Variants in ITGAD observed in about 807,000 individuals in gnomAD.
ITGAD encodes integrin subunit alpha D.
In ITGAD, 105 loss-of-function variants were observed where a neutral mutation model predicts 139.0. That is an observed-to-expected ratio of 0.76 (90% CI 0.65 to 0.89). The LOEUF is 0.89. ITGAD is among the 40% of genes least tolerant of loss of function. The pLI is 0.00. For synonymous variants in ITGAD, 569 were observed against 598.3 expected, an observed-to-expected ratio of 0.95 and a Z score of 0.71; for missense variants, 1,384 against 1,487.3, an observed-to-expected ratio of 0.93 and a Z score of 1.14.
rs1188664441 is a variant in ITGAD at position 31,426,182 on chromosome 16, A to G, written c.*54A>G. 24 of 1,231,440 alleles carry G rather than the reference A, an allele frequency of 1.9e-5. No individual in the cohort carries two copies. Among genetic ancestry groups the G allele is most frequent in the Non-Finnish European group, 2.7e-5 (23 of 845,822 alleles). 76.3% of individuals were successfully genotyped at this position (1,231,440 alleles called of 1,614,324 possible). On this transcript the variant is annotated 3_prime_UTR_variant, in exon 30 of 30. Coordinates refer to ENST00000389202, the MANE Select transcript of ITGAD (RefSeq NM_005353.3). ...CTGTGGGCTGGACTTGCTTGCAACC[A>G]TAAATCAACTTACATGGAAACAACT...
chr16:31,407,548 A>C lies in ITGAD; in HGVS notation c.738A>C (p.Arg246=). 6.2e-7 allele frequency: 1 copy of C among 1,604,898 alleles called. No homozygotes were observed. Among genetic ancestry groups the C allele is most frequent in the Non-Finnish European group, 8.5e-7 (1 of 1,174,836 alleles). ...TQLFHHKNGA[R]KSAKKILIVI... ...TATTTCATCATAAGAATGGGGCCCGAAAAAGTGCCAAGAAGATCCTCATTG... is the reference window on the plus strand; with the variant it reads ...TATTTCATCATAAGAATGGGGCCCGCAAAAGTGCCAAGAAGATCCTCATTG... Residue 246 remains arginine, a synonymous_variant, in exon 8 of 30, where the codon CGA becomes CGC. Coordinates refer to ENST00000389202, the MANE Select transcript of ITGAD (RefSeq NM_005353.3).
At chr16:31,410,900 A>T in intron 12 of ITGAD, 22 bp downstream of exon 12, 3 of 920,336 alleles carry the variant, frequency 3.3e-6, no homozygotes, top group Non-Finnish European at 4.6e-6. Flanking sequence ...CAGGAGCCAG[A>T]GGGGAGGATG....
At chr16:31,416,669 G>C (rs767672626) in intron 20 of ITGAD, 23 bp downstream of exon 20, 45 of 1,588,898 alleles carry the variant, frequency 2.8e-5, no homozygotes, top group Middle Eastern at 1.7e-4. Context: ...GTAGGCTCTA[G>C]TGGGAGGGGG....
At chr16:31,409,911 CAAAA>C (rs11447533) in intron 10 of ITGAD, among the ~76,000 whole-genome samples, 1 of 89,786 alleles carries the variant, frequency 1.1e-5, no homozygotes, top group Non-Finnish European at 2.1e-5. Flanking sequence ...CAGCCTGTCT[CAAAA>C]AAAAAAAAAA....
intron 7 of ITGAD, among the ~76,000 whole-genome samples, chr16:31,406,409 T>C (rs900134206): frequency 1.3e-5 from 2 of 152,212 alleles, no homozygotes; most frequent in Non-Finnish European, 2.9e-5. Context: ...ACAGCTGTTA[T>C]CTAATTAGTA....
At chr16:31,419,199 A>G (rs551633211) in intron 23 of ITGAD, among the ~76,000 whole-genome samples, 1 of 150,720 alleles carries the variant, frequency 6.6e-6, no homozygotes, top group Non-Finnish European at 1.5e-5. Context: ...TCTCAAACAA[A>G]AAAAAAAAAA....
chr16:31,397,718 T>A, intron 4 of ITGAD, 52 bp downstream of exon 4: 1 of 1,514,394 alleles, frequency 6.6e-7, no homozygotes, highest in South Asian at 1.2e-5. Flanking sequence ...GGGGGTGTTG[T>A]TGGGGAGGAG....
At chr16:31,397,274 T>C (rs2081287465) in intron 2 of ITGAD, 85 bp from the exon 3 acceptor site, 1 of 862,008 alleles carries the variant, frequency 1.2e-6, no homozygotes, top group Non-Finnish European at 1.9e-6. Context: ...CGCTTCCCCA[T>C]GGAGGGACAC....
chr16:31,411,554 C>T, intron 14 of ITGAD, 37 bp downstream of exon 14: 3 of 1,601,056 alleles, frequency 1.9e-6, no homozygotes, highest in Non-Finnish European at 1.7e-6. Context: ...GTCCCAGCTC[C>T]TTCCCATGTC....
rs1204663146 is a variant in ITGAD at position 31,403,938 on chromosome 16, G to A, written c.704+293G>A. 2 of 417,970 alleles carry A rather than the reference G, an allele frequency of 4.8e-6. No homozygotes were observed. Among genetic ancestry groups the A allele is most frequent in the African/African-American group, 2.0e-5 (1 of 49,848 alleles). 25.9% of individuals were successfully genotyped at this position (417,970 alleles called of 1,614,324 possible). A position where few individuals can be genotyped will look rare whatever the true frequency, so the allele number is the denominator to read the frequency against. On this transcript the variant is annotated intron_variant, in intron 7 of 29. Transcript: ENST00000389202. This position sits in a 1 kb window ranked among gnomAD's most constrained non-coding sequence, Gnocchi z 4.4. The stretch of plus-strand genomic sequence containing the variant: ...CACAGCAGCCAGAGGCCCGGGCTTT[G>A]GCTCAGACACATCAGGCTCCCATCC...
At chr16:31,415,239 G>C (rs2081854695) in intron 18 of ITGAD, among the ~76,000 whole-genome samples, 1 of 151,960 alleles carries the variant, frequency 6.6e-6, no homozygotes, top group South Asian at 2.1e-4. Flanking sequence ...ACCTACACCA[G>C]AGTTGACACG....
intron 24 of ITGAD, 60 bp from the exon 25 acceptor site, chr16:31,423,292 G>T: frequency 6.3e-7 from 1 of 1,582,632 alleles, no homozygotes; most frequent in Non-Finnish European, 8.7e-7. Context: ...GGGCCAGGAG[G>T]GAAGTAGGAT....
rs779680943 is a variant in ITGAD at position 31,411,091 on chromosome 16, G to A, written c.1372G>A (p.Gly458Arg). The change falls in exon 13 of 30, where the codon GGG (glycine) becomes AGG (arginine). Residue 458 changes from glycine to arginine, a missense_variant. Gly to Arg is a moderately radical substitution (Grantham distance 125). Coordinates refer to ENST00000389202, the MANE Select transcript of ITGAD (RefSeq NM_005353.3). ...VTGTQIGSYFGASLCSVDVDS... is the reference protein window; with the variant it reads ...VTGTQIGSYFRASLCSVDVDS... ...TGCCCTCCAGATCGGCTCCTACTTC[G>A]GGGCCTCCCTCTGCTCTGTGGATGT... 12 of 1,612,152 alleles carry A rather than the reference G, an allele frequency of 7.4e-6. No homozygotes were observed. Among genetic ancestry groups the A allele is most frequent in the South Asian group, 6.6e-5 (6 of 91,016 alleles).
chr16:31,409,347 AC>A (rs778034477), intron 10 of ITGAD, among the ~76,000 whole-genome samples: 3 of 132,984 alleles, frequency 2.3e-5, no homozygotes, highest in Non-Finnish European at 4.9e-5. Flanking sequence ...GCAAAAAAAA[AC>A]AAAAACAAAC....
At chr16:31,414,809 T>C in intron 17 of ITGAD, 51 bp from the exon 18 acceptor site, 1 of 1,600,112 alleles carries the variant, frequency 6.2e-7, no homozygotes, top group Non-Finnish European at 8.5e-7. Flanking sequence ...GGAGGACTTG[T>C]GGTGGAGCGT....
intron 2 of ITGAD, among the ~76,000 whole-genome samples, chr16:31,395,460 C>T (rs867175487): frequency 3.3e-5 from 5 of 152,282 alleles, no homozygotes; most frequent in Middle Eastern, 3.4e-3. Context: ...GAGCAATGAC[C>T]GCTGCTACCT....
In ITGAD at chr16:31,412,819, C is replaced by T; in HGVS notation, c.1708-19C>T. 6.2e-7 allele frequency: 1 copy of T among 1,613,608 alleles called. No homozygotes were observed. Among genetic ancestry groups the T allele is most frequent in the Non-Finnish European group, 8.5e-7 (1 of 1,179,988 alleles). ...TCCCCCATCTTCCAGCCTGATTCAC[C>T]CTTTTCTCTTCTGGCCAGCGGATTG... On this transcript the variant is annotated intron_variant, in intron 14 of 29. Coordinates refer to ENST00000389202, the MANE Select transcript of ITGAD (RefSeq NM_005353.3).
rs375292342 is a variant in ITGAD at position 31,418,543 on chromosome 16, C to A, written c.2759C>A (p.Ala920Glu). 6.2e-7 allele frequency: 1 copy of A among 1,614,000 alleles called. No individual in the cohort carries two copies. The highest frequency in any genetic ancestry group is 1.1e-5 in the South Asian group (1 of 91,080). ...CAGCTGGAGCTCCCGGTGAAGTATG[C>A]AGTCTACACCATGATCAGCAGGTGC... The part of the protein sequence containing the change: ...TFQLELPVKY[A>E]VYTMISRQEE... Residue 920 changes from alanine (A) to glutamate (E), a missense_variant, in exon 23 of 30, where the codon GCA (alanine) becomes GAA (glutamate). By Grantham distance (107) the Ala-to-Glu change is moderately radical. Transcript: ENST00000389202.
In ITGAD at chr16:31,403,316, AC is replaced by A; in HGVS notation, c.559-183del. 1.5e-6 allele frequency: 1 copy of A among 648,584 alleles called. No individual in the cohort carries two copies. Among genetic ancestry groups the A allele is most frequent in the African/African-American group, 1.8e-5 (1 of 54,660 alleles). The allele number at this position is 648,584 out of a possible 1,614,324, so 40.2% of individuals were successfully genotyped here. On this transcript the variant is annotated intron_variant, in intron 6 of 29. Transcript: ENST00000389202. This position sits in a 1 kb window ranked among gnomAD's most constrained non-coding sequence, Gnocchi z 4.4. ...TAGTGAGACCTTGTCTCTACCAAAA[AC>A]AAAACAAAACAAAAAACAAAGCCAG...
Sources: gnomAD v4.1 joint callset for allele counts (sites outside exome capture counted in the v4.1 genomes callset) on GRCh38, gnomAD v4.1.1 for gene constraint, Gnocchi (gnomAD v3.1) non-coding constraint, MANE v1.5 for transcripts, NCBI Gene and HGNC (gene_info 2026-07-23, HGNC 2026-07-21) for gene names.